Variants in MEI4 observed in about 807,000 individuals in gnomAD.
MEI4 encodes meiotic double-stranded break formation protein 4.
MEI4 carries 27 observed loss-of-function variants against 31.4 expected under a neutral mutation model. That is an observed-to-expected ratio of 0.86 (90% confidence interval 0.63 to 1.19). MEI4 has a LOEUF of 1.19. Among genes scored for constraint, MEI4 ranks in the 50% most tolerant of loss-of-function variants. The probability of loss-of-function intolerance (pLI) is 0.00; values close to 1 mark genes in which losing one functional copy is unlikely to be tolerated. For missense variants in MEI4, 329 were observed against 398.9 expected (o/e 0.82, Z 1.49); for synonymous variants, 122 against 145.4 (o/e 0.84, Z 1.16).
At chr6:77,726,804 G>A (rs561425715) in intron 2 of MEI4, among the ~76,000 whole-genome samples, 2 of 142,766 alleles carry the variant, frequency 1.4e-5, no homozygotes, top group South Asian at 2.3e-4. Flanking sequence ...AAAGATTTCA[G>A]TGTGGTGCAT....
chr6:77,749,269 G>A lies in MEI4; in HGVS notation c.233-11861G>A, dbSNP rs955021387. 1.1e-4 allele frequency among the ~76,000 whole-genome samples: 17 copies of A among 152,242 alleles called. No individual in the cohort carries two copies. In the South Asian group the frequency reaches 2.5e-3, roughly 22 times the overall value. On this transcript the variant is annotated intron_variant, in intron 2 of 4. Transcript: ENST00000684080. The stretch of plus-strand genomic sequence containing the variant: ...GAGAAGAAAACTGAACAGAGAATGG[G>A]TTTGATGAATTGACAGAAGTAGGCT...
Position 77,923,102 on chromosome 6 carries a change from A to T in MEI4, c.914A>T (p.Tyr305Phe), listed in dbSNP as rs1581986515. The stretch of plus-strand genomic sequence containing the variant: ...GTTTATTTGTAGGAGCAAGCCAGTT[A>T]TGATGTGTCACGCTATGAAAACATT... ...LGAINQEQAS[Y>F]DVSRYENIFY... is the part of the protein sequence containing the mutation. The change falls in exon 5 of 5, where the codon TAT (tyrosine) becomes TTT (phenylalanine). Residue 305 changes from tyrosine (Y) to phenylalanine (F), a missense_variant. By Grantham distance (22) the Tyr-to-Phe change is conservative. Coordinates refer to ENST00000684080, the MANE Select transcript of MEI4 (RefSeq NM_001322247.2). 2.4e-6 allele frequency: 3 copies of T among 1,230,254 alleles called. No individual in the cohort carries two copies. In the East Asian group the frequency reaches 9.5e-5, roughly 39 times the overall value. 76.2% of individuals were successfully genotyped at this position (1,230,254 alleles called of 1,614,324 possible).
In MEI4 at chr6:77,746,649, G is replaced by T. The variant is rs995081056; in HGVS notation, c.233-14481G>T. Among the ~76,000 whole-genome samples the T allele has an allele frequency of 3.7e-4, 40 of 108,166 alleles. No homozygotes were observed. The East Asian group carries it at 0.02, about 55-fold the overall frequency. The allele number at this position is 108,166 out of a possible 152,430, so 71.0% of individuals were successfully genotyped here. On this transcript the variant is annotated intron_variant, in intron 2 of 4. Coordinates refer to ENST00000684080, the MANE Select transcript of MEI4 (RefSeq NM_001322247.2). ...CTTAAAATATATGGCGTGTGTGTGTGTGTGTGTGTGTGTGTGTGTGTGTGT... is the reference window on the plus strand; with the variant it reads ...CTTAAAATATATGGCGTGTGTGTGTTTGTGTGTGTGTGTGTGTGTGTGTGT...
chr6:77,846,993 A>G (rs1252557265), intron 4 of MEI4, among the ~76,000 whole-genome samples: 1 of 152,128 alleles, frequency 6.6e-6, no homozygotes, highest in Admixed American at 6.6e-5. Flanking sequence ...AGATTCTTTC[A>G]TTGAGAAACT....
chr6:77,804,412 A>G lies in MEI4; in HGVS notation c.769-24519A>G, dbSNP rs138464641. On this transcript the variant is annotated intron_variant, in intron 3 of 4. Coordinates refer to ENST00000684080, the MANE Select transcript of MEI4 (RefSeq NM_001322247.2). ...ACCCCTTGCACTTCTTGGGTGAGGC[A>G]ATGCCTCGCTTTGCTTTGGCTCACA... Among the ~76,000 whole-genome samples, 213 of 152,258 alleles carry G rather than the reference A, an allele frequency of 1.4e-3. 1 individual carries two copies. The highest frequency in any genetic ancestry group is 4.5e-3 in the African/African-American group (187 of 41,546).
At chr6:77,867,290 C>A (rs1424413274) in intron 4 of MEI4, among the ~76,000 whole-genome samples, 1 of 152,308 alleles carries the variant, frequency 6.6e-6, no homozygotes, top group African/African-American at 2.4e-5. Flanking sequence ...AACAGGCAAC[C>A]TACAGAATGG....
At chr6:77,691,202 T>C (rs1769150906) in intron 2 of MEI4, among the ~76,000 whole-genome samples, 1 of 152,032 alleles carries the variant, frequency 6.6e-6, no homozygotes, top group African/African-American at 2.4e-5. Flanking sequence ...ATTTTGCTTT[T>C]ATATTCAGTA....
At chr6:77,909,926 T>A (rs925339903) in intron 4 of MEI4, among the ~76,000 whole-genome samples, 1 of 152,124 alleles carries the variant, frequency 6.6e-6, no homozygotes, top group Admixed American at 6.6e-5. Flanking sequence ...ATAAATGTAA[T>A]CCAGCATATA....
intron 3 of MEI4, among the ~76,000 whole-genome samples, chr6:77,809,486 A>T (rs928716861): frequency 6.6e-6 from 1 of 152,224 alleles, no homozygotes; most frequent in African/African-American, 2.4e-5. Flanking sequence ...TTGATGACTC[A>T]TATATAGATT....
intron 2 of MEI4, among the ~76,000 whole-genome samples, chr6:77,760,059 G>A (rs1768007469): frequency 6.6e-6 from 1 of 151,978 alleles, no homozygotes; most frequent in Admixed American, 6.6e-5. Flanking sequence ...TGTTTATGAT[G>A]GCATGTCTGT....
chr6:77,704,066 A>G (rs1766280610), intron 2 of MEI4, among the ~76,000 whole-genome samples: 1 of 152,218 alleles, frequency 6.6e-6, no homozygotes, highest in Non-Finnish European at 1.5e-5. Context: ...AGGTTCTTTA[A>G]TGTAGAAGAA....
At chr6:77,735,707 G>T (rs1369824362) in intron 2 of MEI4, among the ~76,000 whole-genome samples, 1 of 152,028 alleles carries the variant, frequency 6.6e-6, no homozygotes, top group African/African-American at 2.4e-5. Context: ...GAGGAGAGGT[G>T]CTCTGATTTT....
intron 2 of MEI4, among the ~76,000 whole-genome samples, chr6:77,703,766 T>C (rs141537446): frequency 1.2e-4 from 18 of 152,244 alleles, no homozygotes; most frequent in African/African-American, 4.3e-4. Context: ...GAAAAATGTA[T>C]AGTGTAATAT....
chr6:77,887,243 AT>A lies in MEI4; in HGVS notation c.901-35835del, dbSNP rs34204849. ...GTGGTCATTCATAGTCATTTTGTTT[AT>A]TTTTTTTTTTACAATTTCCAAATAT... is the stretch of plus-strand genomic sequence containing the variant. On this transcript the variant is annotated intron_variant, in intron 4 of 4. Transcript: ENST00000684080. 2.1e-3 allele frequency among the ~76,000 whole-genome samples: 278 copies of A among 133,552 alleles called. 1 individual carries two copies. The highest frequency in any genetic ancestry group is 5.3e-3 in the African/African-American group (194 of 36,566). 87.6% of individuals were successfully genotyped at this position (133,552 alleles called of 152,430 possible). A position where few individuals can be genotyped will look rare whatever the true frequency, so the allele number is the denominator to read the frequency against.
At chr6:77,678,309 C>T (rs1376854527) in intron 1 of MEI4, among the ~76,000 whole-genome samples, 6 of 152,190 alleles carry the variant, frequency 3.9e-5, no homozygotes, top group Admixed American at 2.6e-4. Context: ...GTGATGTCAG[C>T]TTGAGGCCAG....
chr6:77,691,922 A>AG (rs1769164819), intron 2 of MEI4, among the ~76,000 whole-genome samples: 1 of 151,726 alleles, frequency 6.6e-6, no homozygotes, highest in African/African-American at 2.4e-5. Context: ...GTTAGAAAAA[A>AG]AAACACATAA....
intron 2 of MEI4, among the ~76,000 whole-genome samples, chr6:77,743,706 G>A (rs564230852): frequency 5.9e-5 from 9 of 152,300 alleles, no homozygotes; most frequent in Non-Finnish European, 1.3e-4. Context: ...CAGCCTAACT[G>A]GGAGGCACCC....
chr6:77,781,963 C>T (rs1768607029), intron 3 of MEI4, among the ~76,000 whole-genome samples: 2 of 152,118 alleles, frequency 1.3e-5, no homozygotes, highest in African/African-American at 4.8e-5. Flanking sequence ...GGGTTTCAGG[C>T]CAAATGCATG....
At chr6:77,798,085 A>C (rs1769129996) in intron 3 of MEI4, among the ~76,000 whole-genome samples, 1 of 152,126 alleles carries the variant, frequency 6.6e-6, no homozygotes, top group Non-Finnish European at 1.5e-5. Context: ...TTTACTGACA[A>C]TAAGTCAGTA....
Sources: allele counts gnomAD v4.1 joint callset (sites outside exome capture counted in the v4.1 genomes callset), GRCh38; gene constraint gnomAD v4.1.1; transcripts MANE v1.5; gene names NCBI Gene and HGNC (gene_info 2026-07-23, HGNC 2026-07-21).